The following NKAIN2 variants were observed in gnomAD, a reference collection of about 807,000 sequenced individuals.
NKAIN2 encodes the protein sodium/potassium-transporting ATPase subunit beta-1-interacting protein 2.
In NKAIN2, 14 loss-of-function variants were observed where a neutral mutation model predicts 32.6. The observed-to-expected ratio is 0.43, with a 90% CI of 0.28 to 0.67. The LOEUF (loss-of-function observed/expected upper bound fraction) is 0.67. Among genes scored for constraint, NKAIN2 ranks in the 30% least tolerant of loss-of-function variants. The pLI is 0.17. For missense variants in NKAIN2, 198 were observed against 258.3 expected (o/e 0.77, Z 1.60); for synonymous variants, 80 against 87.2 (o/e 0.92, Z 0.46).
intron 1 of NKAIN2, among the ~76,000 whole-genome samples, chr6:124,108,821 C>A (rs913024375): frequency 6.6e-6 from 1 of 151,992 alleles, no homozygotes; most frequent in African/African-American, 2.4e-5. Flanking sequence ...GATACACTGG[C>A]AATCTTGTCA....
At chr6:124,146,626 T>C (rs907156283) in intron 1 of NKAIN2, among the ~76,000 whole-genome samples, 3 of 152,202 alleles carry the variant, frequency 2.0e-5, no homozygotes, top group African/African-American at 4.8e-5. Flanking sequence ...CAGTTCACAT[T>C]AGCATGAATA....
intron 3 of NKAIN2, among the ~76,000 whole-genome samples, chr6:124,626,532 A>T (rs1285247006): frequency 1.3e-5 from 2 of 152,136 alleles, no homozygotes; most frequent in Non-Finnish European, 2.9e-5. Flanking sequence ...ACATTTAAGG[A>T]TGCATTCAAC....
At chr6:124,646,095 G>A (rs985827815) in intron 3 of NKAIN2, among the ~76,000 whole-genome samples, 4 of 152,092 alleles carry the variant, frequency 2.6e-5, no homozygotes, top group Admixed American at 1.3e-4. Context: ...ATTGTTTATA[G>A]ACAATAATTG....
chr6:124,403,746 C>T (rs1418557687), intron 3 of NKAIN2, among the ~76,000 whole-genome samples: 2 of 152,068 alleles, frequency 1.3e-5, no homozygotes, highest in Non-Finnish European at 2.9e-5. Context: ...TTGCTCCATG[C>T]CATATACATT....
chr6:124,048,249 C>T (rs1451805826), intron 1 of NKAIN2, among the ~76,000 whole-genome samples: 1 of 151,864 alleles, frequency 6.6e-6, no homozygotes, highest in Non-Finnish European at 1.5e-5. Context: ...ATGCAAGGAT[C>T]AAGCTATTTT....
chr6:123,877,587 G>A (rs1253939124), intron 1 of NKAIN2, among the ~76,000 whole-genome samples: 1 of 152,136 alleles, frequency 6.6e-6, no homozygotes, highest in East Asian at 1.9e-4. Flanking sequence ...AGGTAATGAT[G>A]GAATGTGCTA....
At chr6:124,445,857 T>A (rs552238805) in intron 3 of NKAIN2, among the ~76,000 whole-genome samples, 38 of 152,138 alleles carry the variant, frequency 2.5e-4, no homozygotes, top group Non-Finnish European at 3.8e-4. Context: ...TTCACTGCCT[T>A]TGCTAAAAAC....
intron 3 of NKAIN2, among the ~76,000 whole-genome samples, chr6:124,547,702 A>T (rs948652016): frequency 1.3e-5 from 2 of 152,178 alleles, no homozygotes; most frequent in Admixed American, 1.3e-4. Context: ...TCTCCTGAAA[A>T]TGTGGGTCAG....
chr6:124,618,248 C>T (rs974071210), intron 3 of NKAIN2, among the ~76,000 whole-genome samples: 14 of 152,016 alleles, frequency 9.2e-5, no homozygotes, highest in African/African-American at 3.4e-4. Flanking sequence ...GAGGCTGAGC[C>T]GGGTGGATCA....
intron 1 of NKAIN2, among the ~76,000 whole-genome samples, chr6:124,036,673 A>G (rs1781617054): frequency 6.6e-6 from 1 of 152,164 alleles, no homozygotes; most frequent in Non-Finnish European, 1.5e-5. Flanking sequence ...CAGCCATAAA[A>G]GAAATTCCTG....
intron 1 of NKAIN2, among the ~76,000 whole-genome samples, chr6:124,131,981 A>G (rs540359039): frequency 6.6e-6 from 1 of 152,188 alleles, no homozygotes; most frequent in South Asian, 2.1e-4. Context: ...CCTGAAAGCC[A>G]TGCTTGCTTT....
At chr6:124,120,254 G>T (rs1785815217) in intron 1 of NKAIN2, among the ~76,000 whole-genome samples, 1 of 151,978 alleles carries the variant, frequency 6.6e-6, no homozygotes, top group Non-Finnish European at 1.5e-5. Flanking sequence ...TTTTTCCCAT[G>T]GAATGTGGTT....
intron 3 of NKAIN2, among the ~76,000 whole-genome samples, chr6:124,619,181 A>C (rs1783019398): frequency 6.6e-6 from 1 of 152,176 alleles, no homozygotes; most frequent in African/African-American, 2.4e-5. Flanking sequence ...AAAGAGACAT[A>C]ATAGGTATGT....
chr6:123,915,104 G>T (rs1775421644), intron 1 of NKAIN2, among the ~76,000 whole-genome samples: 1 of 152,176 alleles, frequency 6.6e-6, no homozygotes, highest in African/African-American at 2.4e-5. Flanking sequence ...CTCAGGTTAG[G>T]AGATATAATT....
In NKAIN2 at chr6:123,951,889, CT is replaced by C. The variant is rs958314012; in HGVS notation, c.54+147642del. Among the ~76,000 whole-genome samples the C allele has an allele frequency of 3.3e-5, 5 of 150,624 alleles. No homozygotes were observed. In the South Asian group the frequency reaches 6.3e-4, roughly 19 times the overall value. On this transcript the variant is annotated intron_variant, in intron 1 of 6. Coordinates refer to ENST00000368417, the MANE Select transcript of NKAIN2 (RefSeq NM_001040214.3). ...TTTCTTTCCTTCCTTTTCTTTCTTT[CT>C]TTTTTTCCTTCCCATTTTTCTATCT...
intron 1 of NKAIN2, among the ~76,000 whole-genome samples, chr6:124,174,519 G>T (rs1433051609): frequency 6.6e-6 from 1 of 152,148 alleles, no homozygotes; most frequent in Non-Finnish European, 1.5e-5. Flanking sequence ...TTGTTAAATA[G>T]ATACAGGGGT....
At chr6:123,848,615 A>G (rs1275376696) in intron 1 of NKAIN2, among the ~76,000 whole-genome samples, 1 of 152,166 alleles carries the variant, frequency 6.6e-6, no homozygotes, top group Non-Finnish European at 1.5e-5. Context: ...AGTCAATTCA[A>G]CCTCTTTCCT....
chr6:124,752,560 T>C (rs1227158830), intron 4 of NKAIN2, among the ~76,000 whole-genome samples: 5 of 152,056 alleles, frequency 3.3e-5, no homozygotes, highest in Non-Finnish European at 5.9e-5. Context: ...TGTGTGTGTG[T>C]GTATACATGC....
At chr6:124,810,489 G>T (rs538361049) in intron 5 of NKAIN2, among the ~76,000 whole-genome samples, 14 of 151,988 alleles carry the variant, frequency 9.2e-5, no homozygotes, top group South Asian at 2.1e-4. Flanking sequence ...GTTGTGGGGT[G>T]GGGGGAGCGG....
Sources: allele counts gnomAD v4.1 joint callset (sites outside exome capture counted in the v4.1 genomes callset), GRCh38; gene constraint gnomAD v4.1.1; transcripts MANE v1.5; gene names NCBI Gene and HGNC (gene_info 2026-07-23, HGNC 2026-07-21).